RNF214: variants seen among roughly 807,000 people sequenced by gnomAD.
The protein encoded by RNF214 is ring finger protein 214.
RNF214 carries 25 observed loss-of-function variants against 75.9 expected under a neutral mutation model. That is an observed-to-expected ratio of 0.33 (90% CI 0.24 to 0.46). The LOEUF is 0.46. Among genes scored for constraint, RNF214 ranks in the 20% least tolerant of loss-of-function variants. RNF214 has a pLI of 1.00. For synonymous variants in RNF214, 314 were observed against 308.8 expected (o/e 1.02, Z -0.18); for missense variants, 725 against 857.5 (o/e 0.85, Z 1.93).
intron 6 of RNF214, among the ~76,000 whole-genome samples, chr11:117,252,857 A>G (rs903328823): frequency 2.6e-5 from 4 of 152,028 alleles, no homozygotes; most frequent in Non-Finnish European, 5.9e-5. Context: ...TTAGTGCCAT[A>G]TATCTGGTAA....
chr11:117,252,590 G>T (rs1179159208), intron 6 of RNF214, among the ~76,000 whole-genome samples: 1 of 151,862 alleles, frequency 6.6e-6, no homozygotes, highest in African/African-American at 2.4e-5. Context: ...GCGTGATCTT[G>T]GTTCACTGCA....
At chr11:117,274,052 G>A (rs889300183) in intron 6 of RNF214, among the ~76,000 whole-genome samples, 1 of 152,156 alleles carries the variant, frequency 6.6e-6, no homozygotes, top group East Asian at 1.9e-4. Context: ...TGGTGAAGTA[G>A]CTAGTCAGAG....
intron 6 of RNF214, among the ~76,000 whole-genome samples, chr11:117,277,928 T>G (rs2034046315): frequency 1.4e-5 from 2 of 143,780 alleles, no homozygotes; most frequent in Admixed American, 1.4e-4. Flanking sequence ...GAGCCAAGAT[T>G]GTGTCACTGC....
intron 6 of RNF214, among the ~76,000 whole-genome samples, chr11:117,258,195 A>T (rs1022625096): frequency 1.3e-5 from 2 of 151,692 alleles, no homozygotes; most frequent in South Asian, 4.2e-4. Flanking sequence ...CAGCCTCCCT[A>T]GTAGCAGGGA....
intron 6 of RNF214, among the ~76,000 whole-genome samples, chr11:117,247,602 C>T (rs1347115197): frequency 6.6e-6 from 1 of 152,140 alleles, no homozygotes. Context: ...CCTGTAATCC[C>T]AGCACCTTGG....
At chr11:117,261,195 CA>C (rs1276409086) in intron 6 of RNF214, among the ~76,000 whole-genome samples, 1 of 152,074 alleles carries the variant, frequency 6.6e-6, no homozygotes, top group African/African-American at 2.4e-5. Context: ...TGCCTTTTGT[CA>C]AATAGAAGAA....
intron 14 of RNF214, among the ~76,000 whole-genome samples, chr11:117,284,559 G>T (rs1242930663): frequency 6.6e-6 from 1 of 152,148 alleles, no homozygotes; most frequent in Non-Finnish European, 1.5e-5. Flanking sequence ...ATTTTCAACA[G>T]CTCATTGTTA....
At chr11:117,259,676 A>T (rs1215847848) in intron 6 of RNF214, among the ~76,000 whole-genome samples, 1 of 152,034 alleles carries the variant, frequency 6.6e-6, no homozygotes, top group African/African-American at 2.4e-5. Flanking sequence ...ATGACTAATG[A>T]TGGTATCTCT....
intron 2 of RNF214, among the ~76,000 whole-genome samples, chr11:117,236,924 A>G (rs1430464409): frequency 1.3e-5 from 2 of 152,214 alleles, no homozygotes; most frequent in Non-Finnish European, 2.9e-5. Flanking sequence ...GGATAGTATT[A>G]TTTCTGTTTT....
chr11:117,233,587 G>A (rs757652331), intron 1 of RNF214, among the ~76,000 whole-genome samples: 45 of 152,136 alleles, frequency 3.0e-4, no homozygotes, highest in Non-Finnish European at 5.7e-4. Context: ...AAAGGCGTCC[G>A]TCCCAGTTCC....
At chr11:117,268,752 A>G (rs929404400) in intron 6 of RNF214, among the ~76,000 whole-genome samples, 4 of 152,222 alleles carry the variant, frequency 2.6e-5, no homozygotes, top group Non-Finnish European at 5.9e-5. Flanking sequence ...TTGGGTTTGT[A>G]TAGAATCTGT....
chr11:117,280,200 AC>A lies in RNF214; in HGVS notation c.1087del (p.Leu363TrpfsTer3). ...ILSLESRKEL[L>X]VLKLEEAEKE... ...TATCACTAGAGAGCCGGAAAGAGTTACTGGTACTGAAACTAGAAGAAGCAGA... is the reference window on the plus strand; with the variant it reads ...TATCACTAGAGAGCCGGAAAGAGTTATGGTACTGAAACTAGAAGAAGCAGA... On this transcript the variant is annotated frameshift_variant, in exon 8 of 15. Transcript: ENST00000300650. LOFTEE classifies it high-confidence loss of function. 6.2e-7 allele frequency: 1 copy of A among 1,613,666 alleles called. No homozygotes were observed. The highest frequency in any genetic ancestry group is 8.5e-7 in the Non-Finnish European group (1 of 1,179,592).
In RNF214 at chr11:117,286,356, C is replaced by CT. The variant is rs1222711311; in HGVS notation, c.*1206dup. The CT allele has an allele frequency of 1.3e-5, 2 of 152,164 alleles. No homozygotes were observed. Among genetic ancestry groups the CT allele is most frequent in the African/African-American group, 2.4e-5 (1 of 41,430 alleles). The allele number at this position is 152,164 out of a possible 1,614,324, so 9.4% of individuals were successfully genotyped here. A position where few individuals can be genotyped will look rare whatever the true frequency, so the allele number is the denominator to read the frequency against. On this transcript the variant is annotated 3_prime_UTR_variant, in exon 15 of 15. Coordinates refer to ENST00000300650, the MANE Select transcript of RNF214 (RefSeq NM_207343.4). Reference sequence around the variant, plus strand: ...TTTTATACCTGGGAAAGCTGTGACTCTATTAGAGCTTTGAATCTTTTCCTA... The same window carrying CT: ...TTTTATACCTGGGAAAGCTGTGACTCTTATTAGAGCTTTGAATCTTTTCCTA...
intron 6 of RNF214, among the ~76,000 whole-genome samples, chr11:117,263,307 G>A (rs1300623835): frequency 1.0e-4 from 7 of 68,326 alleles, no homozygotes; most frequent in African/African-American, 8.2e-4. Flanking sequence ...TTGAGATGGA[G>A]TCTCGCTGTG....
intron 6 of RNF214, among the ~76,000 whole-genome samples, chr11:117,260,976 A>C (rs1181743556): frequency 1.3e-5 from 2 of 151,006 alleles, no homozygotes; most frequent in African/African-American, 4.9e-5. Flanking sequence ...ATAAACAGTC[A>C]TGGTATCTCT....
intron 4 of RNF214, 105 bp from the exon 5 acceptor site, chr11:117,244,340 G>T: frequency 2.4e-6 from 2 of 835,370 alleles, no homozygotes; most frequent in East Asian, 2.7e-5. Flanking sequence ...CTTCATTATT[G>T]GATAGTGCGG....
At chr11:117,282,725 T>G (rs773320681) in intron 12 of RNF214, 21 bp from the exon 13 acceptor site, 5 of 1,605,262 alleles carry the variant, frequency 3.1e-6, no homozygotes, top group Non-Finnish European at 4.3e-6. Context: ...TCCCTTACTC[T>G]GACAATGTTT....
intron 8 of RNF214, among the ~76,000 whole-genome samples, chr11:117,280,741 A>G (rs1413370715): frequency 2.6e-5 from 4 of 152,122 alleles, no homozygotes; most frequent in Non-Finnish European, 5.9e-5. Context: ...TTCATTTCCT[A>G]TGTAGTCATT....
chr11:117,276,908 G>A (rs575346811), intron 6 of RNF214, among the ~76,000 whole-genome samples: 2 of 152,334 alleles, frequency 1.3e-5, no homozygotes, highest in South Asian at 4.1e-4. Context: ...TGAATAGTAG[G>A]CTAGATGGAT....
Sources: allele counts gnomAD v4.1 joint callset (sites outside exome capture counted in the v4.1 genomes callset), GRCh38; gene constraint gnomAD v4.1.1; transcripts MANE v1.5; gene names NCBI Gene and HGNC (gene_info 2026-07-23, HGNC 2026-07-21).